Variants in SMN1 observed in about 807,000 individuals in gnomAD.
The protein encoded by SMN1 is survival motor neuron protein.
For missense variants in SMN1, 15 were observed against 17.1 expected (o/e 0.88, Z 0.22); for synonymous variants, 3 against 5.1 (o/e 0.58, Z 0.56).
downstream of SMN1, among the ~76,000 whole-genome samples, chr5:70,955,653 T>G (rs1178912852): frequency 3.4e-5 from 5 of 145,826 alleles, no homozygotes; most frequent in East Asian, 2.0e-4. Flanking sequence ...GGCATGGTGG[T>G]GGGCGCCTGT....
chr5:70,954,601 C>G (rs1455737443), downstream of SMN1, among the ~76,000 whole-genome samples: 1 of 29,454 alleles, frequency 3.4e-5, no homozygotes, highest in Admixed American at 6.4e-4. Context: ...ACCTGTAATC[C>G]CAGCACTTTG....
At chr5:70,950,156 G>A (rs1421324890) in intron 7 of SMN1, among the ~76,000 whole-genome samples, 1 of 148,878 alleles carries the variant, frequency 6.7e-6, no homozygotes, top group Non-Finnish European at 1.5e-5. Context: ...AGTGGCTCAC[G>A]CCGGTAATCC....
the SMN1 span, among the ~76,000 whole-genome samples, chr5:70,960,010 C>A: frequency 7.1e-6 from 1 of 140,704 alleles, no homozygotes; most frequent in South Asian, 2.3e-4. Context: ...TATATTTATA[C>A]CAACATGGAG....
At chr5:70,935,773 C>CAA (rs879740939) in intron 1 of SMN1, among the ~76,000 whole-genome samples, 11 of 137,324 alleles carry the variant, frequency 8.0e-5, no homozygotes, top group African/African-American at 2.2e-4. Flanking sequence ...CAAAACAAAA[C>CAA]AAAAAAAAAA....
the SMN1 span, among the ~76,000 whole-genome samples, chr5:70,959,026 A>C: frequency 8.3e-4 from 126 of 150,910 alleles, 6 homozygotes; most frequent in Non-Finnish European, 3.0e-4. Flanking sequence ...ACAATGATAG[A>C]CTGGATTAAG....
the SMN1 span, among the ~76,000 whole-genome samples, chr5:70,959,033 T>C: frequency 4.6e-5 from 7 of 150,766 alleles, no homozygotes; most frequent in Non-Finnish European, 5.9e-5. Context: ...TAGACTGGAT[T>C]AAGAAAATAT....
At position 70,945,633 on chromosome 5, in the gene SMN1, A is replaced by AT. The variant is rs540134415; in HGVS notation, c.724-421dup. ...AAAAGCATGAAAGTATTTATGCTTG[A>AT]TTTTTTTTTTTTACTCATAGCTTCA... On this transcript the variant is annotated intron_variant, in intron 6 of 8. Transcript: ENST00000380707. Among the ~76,000 whole-genome samples, 30 of 86,884 alleles carry AT rather than the reference A, an allele frequency of 3.5e-4. 4 individuals carry two copies. Among genetic ancestry groups the AT allele is most frequent in the African/African-American group, 4.7e-4 (8 of 17,154 alleles). The allele number at this position is 86,884 out of a possible 152,430, so 57.0% of individuals were successfully genotyped here. A position where few individuals can be genotyped will look rare whatever the true frequency, so the allele number is the denominator to read the frequency against.
chr5:70,960,790 G>A, the SMN1 span, among the ~76,000 whole-genome samples: 1 of 148,288 alleles, frequency 6.7e-6, no homozygotes, highest in Admixed American at 6.8e-5. Context: ...CCTCCTCCCG[G>A]GTTCAAACGA....
the SMN1 span, among the ~76,000 whole-genome samples, chr5:70,963,855 G>A: frequency 9.0e-6 from 1 of 110,514 alleles, no homozygotes; most frequent in Admixed American, 9.3e-5. Context: ...GAAGAAGACA[G>A]GAAAATGAGG....
chr5:70,951,561 CA>C (rs1210842444), intron 7 of SMN1, among the ~76,000 whole-genome samples: 3 of 149,412 alleles, frequency 2.0e-5, no homozygotes, highest in Admixed American at 6.7e-5. Context: ...AGGCGTGAGC[CA>C]CTGTGCCTAG....
chr5:70,955,646 ATGG>A (rs1561504833), downstream of SMN1, among the ~76,000 whole-genome samples: 1 of 146,260 alleles, frequency 6.8e-6, no homozygotes, highest in African/African-American at 2.6e-5. Context: ...TTAGCTCGGC[ATGG>A]TGGTGGGCGC....
At chr5:70,951,877 A>T in intron 7 of SMN1, 64 bp from the exon 8 acceptor site, 1 of 1,392,488 alleles carries the variant, frequency 7.2e-7, no homozygotes, top group South Asian at 1.2e-5. Context: ...ATATAAAGCT[A>T]TCTATATATA....
the SMN1 span, among the ~76,000 whole-genome samples, chr5:70,960,177 T>C: frequency 6.6e-6 from 1 of 150,866 alleles, no homozygotes; most frequent in South Asian, 2.1e-4. Flanking sequence ...TTCTGTTGTT[T>C]ATATCGTCTT....
At chr5:70,952,351 G>A in intron 8 of SMN1, 88 bp from the exon 9 acceptor site, 1 of 1,159,294 alleles carries the variant, frequency 8.6e-7, no homozygotes, top group South Asian at 1.6e-5. Flanking sequence ...GACATATGAA[G>A]TGCTCTAGTC....
chr5:70,951,250 G>A (rs1406164919), intron 7 of SMN1, among the ~76,000 whole-genome samples: 2 of 150,030 alleles, frequency 1.3e-5, no homozygotes, highest in Admixed American at 1.3e-4. Context: ...TAATGCCACT[G>A]CACCTGGCTA....
chr5:70,956,797 G>A (rs1221577883), downstream of SMN1, among the ~76,000 whole-genome samples: 58 of 149,264 alleles, frequency 3.9e-4, 2 homozygotes, highest in Admixed American at 1.8e-3. Flanking sequence ...TTGGCGATGC[G>A]GGCTTTTTTT....
At chr5:70,950,934 C>T (rs1373811341) in intron 7 of SMN1, among the ~76,000 whole-genome samples, 5 of 151,416 alleles carry the variant, frequency 3.3e-5, no homozygotes, top group African/African-American at 1.2e-4. Flanking sequence ...CCACTGTGCC[C>T]GGCCTAGTCT....
At position 70,952,206 on chromosome 5, in the gene SMN1, G is replaced by A. The variant is rs1749786976; in HGVS notation, c.*3+212G>A. 6 of 1,501,210 alleles carry A rather than the reference G, an allele frequency of 4.0e-6. No individual in the cohort carries two copies. The East Asian group carries it at 1.2e-4, about 31-fold the overall frequency. 93.0% of individuals were successfully genotyped at this position (1,501,210 alleles called of 1,614,324 possible). ...TAGAATTCTCATACTTAACTGGTTG[G>A]TTATGTGGAAGAAACATACTTTCAC... On this transcript the variant is annotated intron_variant, in intron 8 of 8. Coordinates refer to ENST00000380707, the MANE Select transcript of SMN1 (RefSeq NM_000344.4).
intron 7 of SMN1, 135 bp from the exon 8 acceptor site, chr5:70,951,806 T>C: frequency 1.6e-6 from 1 of 626,556 alleles, no homozygotes; most frequent in Middle Eastern, 3.5e-4. Context: ...TAATTTCTGA[T>C]CATATTTTGT....
Sources: allele counts gnomAD v4.1 joint callset (sites outside exome capture counted in the v4.1 genomes callset), GRCh38; gene constraint gnomAD v4.1.1; transcripts MANE v1.5; gene names NCBI Gene and HGNC (gene_info 2026-07-23, HGNC 2026-07-21).